The following KL variants were observed in gnomAD, a reference collection of about 807,000 sequenced individuals.
The protein encoded by KL is klotho.
In KL, 62 loss-of-function variants were observed where a neutral mutation model predicts 84.2. That is an observed-to-expected ratio of 0.74 (90% CI 0.60 to 0.91). KL has a LOEUF of 0.91. Among genes scored for constraint, KL ranks in the 40% least tolerant of loss-of-function variants. The probability of loss-of-function intolerance (pLI) is 0.00; values close to 1 mark genes in which losing one functional copy is unlikely to be tolerated. For missense variants in KL, 1,261 were observed against 1,305.7 expected (o/e 0.97, Z 0.53); for synonymous variants, 528 against 528.0 (o/e 1.00, Z 0.00).
intron 1 of KL, among the ~76,000 whole-genome samples, chr13:33,040,487 A>T (rs1266080819): frequency 6.6e-6 from 1 of 152,196 alleles, no homozygotes; most frequent in African/African-American, 2.4e-5. Flanking sequence ...CTAAAGTAAC[A>T]TCTGGAGGGC....
chr13:33,027,403 T>C (rs1870817649), intron 1 of KL, among the ~76,000 whole-genome samples: 1 of 152,210 alleles, frequency 6.6e-6, no homozygotes, highest in African/African-American at 2.4e-5. Flanking sequence ...AACCGGGGCC[T>C]TGACCTTGGC....
At chr13:33,050,186 T>A (rs2138227038) in intron 1 of KL, among the ~76,000 whole-genome samples, 1 of 152,360 alleles carries the variant, frequency 6.6e-6, no homozygotes, top group Middle Eastern at 3.4e-3. Flanking sequence ...TTTAGATGAA[T>A]GTTCTTGGCC....
intron 1 of KL, among the ~76,000 whole-genome samples, chr13:33,042,551 G>A (rs1324293249): frequency 6.6e-6 from 1 of 152,180 alleles, no homozygotes; most frequent in African/African-American, 2.4e-5. Flanking sequence ...CTGCCTAGAA[G>A]AGTAGTTCAC....
chr13:33,038,001 T>C (rs1871202190), intron 1 of KL, among the ~76,000 whole-genome samples: 1 of 152,232 alleles, frequency 6.6e-6, no homozygotes, highest in Non-Finnish European at 1.5e-5. Context: ...TTTTCAGTAG[T>C]CATCACCTTT....
At chr13:33,039,814 A>T (rs961276343) in intron 1 of KL, among the ~76,000 whole-genome samples, 8 of 152,148 alleles carry the variant, frequency 5.3e-5, no homozygotes, top group Non-Finnish European at 1.0e-4. Flanking sequence ...GAGTAATGAG[A>T]AACTGACCTG....
chr13:33,057,955 G>A (rs1872027378), intron 3 of KL, among the ~76,000 whole-genome samples: 1 of 152,124 alleles, frequency 6.6e-6, no homozygotes, highest in Admixed American at 6.5e-5. Context: ...TAGTATTTCA[G>A]ACTTTCAGTG....
At chr13:33,042,307 T>TATGG (rs1164880070) in intron 1 of KL, among the ~76,000 whole-genome samples, 1 of 152,212 alleles carries the variant, frequency 6.6e-6, no homozygotes, top group Non-Finnish European at 1.5e-5. Flanking sequence ...CCTGTATGTG[T>TATGG]ATGGATATCT....
chr13:33,020,909 T>A (rs1870552787), intron 1 of KL, among the ~76,000 whole-genome samples: 1 of 152,216 alleles, frequency 6.6e-6, no homozygotes, highest in South Asian at 2.1e-4. Context: ...CACCTGTTCT[T>A]CTGGAGCCAG....
intron 1 of KL, among the ~76,000 whole-genome samples, chr13:33,043,471 C>T (rs1415173995): frequency 6.6e-6 from 1 of 152,222 alleles, no homozygotes; most frequent in Non-Finnish European, 1.5e-5. Flanking sequence ...TCGCCCGCCT[C>T]AGCCTCCCAA....
intron 1 of KL, among the ~76,000 whole-genome samples, chr13:33,051,029 T>C (rs560584031): frequency 7.9e-5 from 12 of 152,334 alleles, no homozygotes; most frequent in African/African-American, 2.6e-4. Context: ...CTGAATTCCT[T>C]AGCAGGGGTT....
chr13:33,054,119 C>G lies in KL; in HGVS notation c.1172C>G (p.Ser391Cys). 6.2e-7 allele frequency: 1 copy of G among 1,614,012 alleles called. No homozygotes were observed. Among genetic ancestry groups the G allele is most frequent in the Non-Finnish European group, 8.5e-7 (1 of 1,180,016 alleles). Residue 391 changes from serine (S) to cysteine (C), a missense_variant, in exon 2 of 5, where the codon TCT (serine) becomes TGT (cysteine). Ser to Cys is a moderately radical substitution (Grantham distance 112, BLOSUM62 -1). Coordinates refer to ENST00000380099, the MANE Select transcript of KL (RefSeq NM_004795.4). ...DPHMKFRQLE[S>C]PNLRQLLSWI... is the part of the protein sequence containing the mutation. The stretch of plus-strand genomic sequence containing the variant: ...CACATGAAGTTCCGCCAATTGGAAT[C>G]TCCCAACCTGAGGCAACTGCTTTCC...
intron 1 of KL, among the ~76,000 whole-genome samples, chr13:33,046,293 T>C (rs1176910819): frequency 6.6e-6 from 1 of 152,240 alleles, no homozygotes. Context: ...TTTGAAAGTT[T>C]TTGATTACTA....
intron 1 of KL, among the ~76,000 whole-genome samples, chr13:33,026,914 T>A (rs1248895974): frequency 6.6e-6 from 1 of 152,198 alleles, no homozygotes; most frequent in Non-Finnish European, 1.5e-5. Flanking sequence ...TGCTTCTTGA[T>A]TCTTTTATCA....
At chr13:33,026,556 C>G (rs917831331) in intron 1 of KL, among the ~76,000 whole-genome samples, 1 of 152,178 alleles carries the variant, frequency 6.6e-6, no homozygotes, top group Non-Finnish European at 1.5e-5. Flanking sequence ...GGGAACTGTA[C>G]AAGGGGTCAT....
rs1003015067 is a variant in KL, at chr13:33,061,206, G to T, written c.2127G>T (p.Leu709=). 1.2e-6 allele frequency: 2 copies of T among 1,614,122 alleles called. No individual in the cohort carries two copies. The highest frequency in any genetic ancestry group is 2.7e-5 in the African/African-American group (2 of 74,942). ...AGHNLLKAHA[L]AWHVYNEKFR... is the part of the protein sequence containing the mutation. ...ACAACCTTCTGAAGGCCCATGCCCTGGCTTGGCATGTGTACAATGAAAAGT... is the reference window on the plus strand; with the variant it reads ...ACAACCTTCTGAAGGCCCATGCCCTTGCTTGGCATGTGTACAATGAAAAGT... Residue 709 remains leucine, a synonymous_variant, in exon 4 of 5, where the codon CTG becomes CTT. Coordinates refer to ENST00000380099, the MANE Select transcript of KL (RefSeq NM_004795.4).
intron 1 of KL, among the ~76,000 whole-genome samples, chr13:33,045,143 T>C (rs551235825): frequency 6.6e-6 from 1 of 152,310 alleles, no homozygotes; most frequent in African/African-American, 2.4e-5. Context: ...TAATTTTCTT[T>C]TTGGACTGTT....
In KL at chr13:33,045,476, TTTTG is replaced by T. The variant is rs1430605987; in HGVS notation, c.820-8279_820-8276del. Among the ~76,000 whole-genome samples, 6 of 152,282 alleles carry T rather than the reference TTTTG, an allele frequency of 3.9e-5. No homozygotes were observed. In the South Asian group the frequency reaches 8.3e-4, roughly 21 times the overall value. On this transcript the variant is annotated intron_variant, in intron 1 of 4. Transcript: ENST00000380099. ...ATGTTGGCTGTGGATTTTCATAATT[TTTTG>T]TTTGTTTGTTTTTTTGTTTGAGACG...
intron 1 of KL, among the ~76,000 whole-genome samples, chr13:33,033,060 TA>T (rs1871030198): frequency 6.6e-6 from 1 of 152,172 alleles, no homozygotes; most frequent in Non-Finnish European, 1.5e-5. Flanking sequence ...GTCTATTGAG[TA>T]AATATTTGCT....
At chr13:33,040,810 T>C (rs1871311942) in intron 1 of KL, among the ~76,000 whole-genome samples, 1 of 152,192 alleles carries the variant, frequency 6.6e-6, no homozygotes, top group Non-Finnish European at 1.5e-5. Flanking sequence ...GCTAGACTTG[T>C]GACCTAAATA....
Sources: gnomAD v4.1 joint callset for allele counts (sites outside exome capture counted in the v4.1 genomes callset) on GRCh38, gnomAD v4.1.1 for gene constraint, MANE v1.5 for transcripts, NCBI Gene and HGNC (gene_info 2026-07-23, HGNC 2026-07-21) for gene names.